The following EIF4G3 variants were observed in gnomAD, a reference collection of about 807,000 sequenced individuals.
The protein encoded by EIF4G3 is eukaryotic translation initiation factor 4 gamma 3.
A neutral mutation model predicts 186.4 loss-of-function variants in EIF4G3; 34 were observed. That is an observed-to-expected ratio of 0.18 (90% CI 0.14 to 0.24). The LOEUF is 0.24. Among genes scored for constraint, EIF4G3 ranks in the 10% least tolerant of loss-of-function variants. EIF4G3 has a pLI of 1.00. For synonymous variants in EIF4G3, 673 were observed against 679.5 expected, an observed-to-expected ratio of 0.99 and a Z score of 0.15; for missense variants, 1,536 against 1,948.5, an observed-to-expected ratio of 0.79 and a Z score of 3.99.
intron 20 of EIF4G3, among the ~76,000 whole-genome samples, chr1:20,866,060 A>AT (rs1471045259): frequency 6.6e-6 from 1 of 152,216 alleles, no homozygotes; most frequent in Non-Finnish European, 1.5e-5. Flanking sequence ...TCTGAGCACC[A>AT]TTTTGAACAG....
At chr1:20,864,216 A>G (rs752988248) in intron 22 of EIF4G3, among the ~76,000 whole-genome samples, 1 of 152,172 alleles carries the variant, frequency 6.6e-6, no homozygotes, top group African/African-American at 2.4e-5. Context: ...ATGGTTACAG[A>G]AGAAGAAAAA....
chr1:20,807,524 A>G, intron 36 of EIF4G3, 24 bp from the exon 37 acceptor site: 1 of 1,567,150 alleles, frequency 6.4e-7, no homozygotes, highest in Non-Finnish European at 8.7e-7. Flanking sequence ...AAAATAAACT[A>G]TAAGCTTTGG....
At chr1:20,932,875 A>G (rs1391456915) in intron 14 of EIF4G3, among the ~76,000 whole-genome samples, 1 of 145,978 alleles carries the variant, frequency 6.9e-6, no homozygotes, top group Non-Finnish European at 1.6e-5. Flanking sequence ...GGCTTTCTCA[A>G]CACAGAGTTA....
chr1:21,013,812 A>T (rs2087950233), intron 4 of EIF4G3, among the ~76,000 whole-genome samples: 1 of 152,224 alleles, frequency 6.6e-6, no homozygotes, highest in Non-Finnish European at 1.5e-5. Flanking sequence ...CCCATCATGG[A>T]ATCAGTCCAC....
intron 7 of EIF4G3, among the ~76,000 whole-genome samples, chr1:20,997,075 T>C (rs12123300): frequency 0.29 from 43,827 of 152,078 alleles, 8,085 homozygotes; most frequent in Non-Finnish European, 0.41. Flanking sequence ...CTATTTTCTA[T>C]GTGTTCTAAT....
chr1:20,835,614 CAG>C (rs2066514830), intron 30 of EIF4G3, among the ~76,000 whole-genome samples: 1 of 152,046 alleles, frequency 6.6e-6, no homozygotes, highest in African/African-American at 2.4e-5. Context: ...TAGAAAAAAA[CAG>C]ATAAACTCAT....
intron 18 of EIF4G3, chr1:20,893,236 T>C (rs1237179077): frequency 4.2e-6 from 1 of 237,674 alleles, no homozygotes; most frequent in South Asian, 1.3e-4. Flanking sequence ...CTGGCCATGG[T>C]TGGCACTATT....
chr1:20,955,712 G>T (rs923874502), intron 12 of EIF4G3, among the ~76,000 whole-genome samples: 1 of 152,156 alleles, frequency 6.6e-6, no homozygotes, highest in African/African-American at 2.4e-5. Context: ...AACTGACTGG[G>T]CTTGATTAGG....
At chr1:21,142,927 A>G (rs1271506672) in intron 2 of EIF4G3, among the ~76,000 whole-genome samples, 2 of 152,162 alleles carry the variant, frequency 1.3e-5, no homozygotes, top group East Asian at 1.9e-4. Context: ...ACTGAAACAT[A>G]AAACTGTTAC....
intron 29 of EIF4G3, among the ~76,000 whole-genome samples, chr1:20,844,201 T>C (rs538315552): frequency 1.3e-5 from 2 of 152,302 alleles, no homozygotes; most frequent in Admixed American, 6.5e-5. Flanking sequence ...GAAATGGTAT[T>C]TCTGTCTCTA....
intron 35 of EIF4G3, among the ~76,000 whole-genome samples, chr1:20,811,878 G>GTTTTT (rs2059315494): frequency 6.6e-6 from 1 of 151,344 alleles, no homozygotes; most frequent in South Asian, 2.1e-4. Flanking sequence ...AGCAACATTA[G>GTTTTT]AAAAGGAAAT....
Position 20,910,619 on chromosome 1 carries a change from C to T in EIF4G3, c.1664-5648G>A, listed in dbSNP as rs548843062. 5.2e-4 allele frequency among the ~76,000 whole-genome samples: 79 copies of T among 152,102 alleles called. 1 individual carries two copies. The South Asian group carries it at 0.016, about 31-fold the overall frequency. On this transcript the variant is annotated intron_variant, in intron 14 of 36. Transcript: ENST00000602326. The stretch of plus-strand genomic sequence containing the variant: ...AACAAAAACAAAACAAAACAAAAAC[C>T]TTCTTGATTATCTTTAGAAAATCCA...
rs1443235233 is a variant in EIF4G3, at chr1:20,822,307, G to T, written c.4368+2793C>A. On this transcript the variant is annotated intron_variant, in intron 33 of 36. Coordinates refer to ENST00000602326, the MANE Select transcript of EIF4G3 (RefSeq NM_001391906.1). ...ACCTTCTTTTCAAACTTTTTTTCAC[G>T]ATCAATCTGGCTAGAGGTTTATCAC... is the stretch of plus-strand genomic sequence containing the variant. Among the ~76,000 whole-genome samples, 10 of 146,388 alleles carry T rather than the reference G, an allele frequency of 6.8e-5. No homozygotes were observed. In the East Asian group the frequency reaches 1.8e-3, roughly 26 times the overall value.
chr1:21,007,136 G>T (rs1047767974), intron 4 of EIF4G3, among the ~76,000 whole-genome samples: 3 of 152,096 alleles, frequency 2.0e-5, no homozygotes, highest in Admixed American at 6.5e-5. Context: ...GGTGGCTCAC[G>T]CCTGTAATCC....
chr1:21,065,566 T>C (rs1412903475), intron 3 of EIF4G3, among the ~76,000 whole-genome samples: 1 of 149,442 alleles, frequency 6.7e-6, no homozygotes, highest in African/African-American at 2.5e-5. Context: ...AAAACAGTGG[T>C]GGGGCGGCGG....
Position 20,851,431 on chromosome 1 carries a change from G to A in EIF4G3, c.3599C>T (p.Ala1200Val). 1 of 1,614,152 alleles carries A rather than the reference G, an allele frequency of 6.2e-7. No individual in the cohort carries two copies. Among genetic ancestry groups the A allele is most frequent in the Admixed American group, 1.7e-5 (1 of 60,014 alleles). Residue 1200 changes from alanine to valine, a missense_variant, in exon 28 of 37, where the codon GCA becomes GTA. Ala to Val is a moderately conservative substitution (Grantham distance 64). This residue lies in a region of EIF4G3 where 395 missense variants were observed against 498.9 expected (regional missense o/e 0.79). Coordinates refer to ENST00000602326, the MANE Select transcript of EIF4G3 (RefSeq NM_001391906.1). ...CATGAAAGTATTTGGCCGAGCTGTT[G>A]CAGATGGAAGGGGCTTGTCATTCTT... ...REKNDKPLPS[A>V]TARPNTFMRG...
chr1:20,876,222 CAAAA>C (rs34150070), intron 20 of EIF4G3, among the ~76,000 whole-genome samples: 1 of 13,998 alleles, frequency 7.1e-5, no homozygotes, highest in Non-Finnish European at 1.5e-4. Context: ...GAGCCTGTCT[CAAAA>C]AAAAAAAAAA....
At chr1:20,948,970 CAAAAAAAAAAA>C (rs34585901) in intron 13 of EIF4G3, among the ~76,000 whole-genome samples, 4 of 51,518 alleles carry the variant, frequency 7.8e-5, no homozygotes, top group Non-Finnish European at 1.6e-4. Flanking sequence ...GACTCTGTCT[CAAAAAAAAAAA>C]AAAAAAAAAA....
Position 20,941,632 on chromosome 1 carries a change from G to A in EIF4G3, c.1522C>T (p.Leu508=), listed in dbSNP as rs776415992. Residue 508 remains leucine (L), a synonymous_variant, in exon 14 of 37, where the codon CTA becomes TTA. Coordinates refer to ENST00000602326, the MANE Select transcript of EIF4G3 (RefSeq NM_001391906.1). ...GTTCTTATGCTCTCGTCCTCCTCTA[G>A]GACTCTCTGGACTGTGATGGCAGCA... ...PSAAITVQRV[L]EEDESIRTCL... The A allele has an allele frequency of 2.5e-6, 4 of 1,614,062 alleles. No homozygotes were observed. Among genetic ancestry groups the A allele is most frequent in the Non-Finnish European group, 3.4e-6 (4 of 1,180,000 alleles).
Sources: allele counts gnomAD v4.1 joint callset (sites outside exome capture counted in the v4.1 genomes callset), GRCh38; gene constraint gnomAD v4.1.1; regional missense constraint gnomAD v4.1.1; transcripts MANE v1.5; gene names NCBI Gene and HGNC (gene_info 2026-07-23, HGNC 2026-07-21).